The following HTR4 variants were observed in gnomAD, a reference collection of about 807,000 sequenced individuals.
The protein encoded by HTR4 is 5-hydroxytryptamine receptor 4.
In HTR4, 16 loss-of-function variants were observed where a neutral mutation model predicts 36.8. The ratio of observed to expected loss-of-function variants is 0.43; its 90% CI spans 0.29 to 0.66. The LOEUF (loss-of-function observed/expected upper bound fraction) is 0.66. HTR4 is among the 30% of genes least tolerant of loss of function. HTR4 has a pLI of 0.13. For missense variants in HTR4, 438 were observed against 490.9 expected (o/e 0.89, Z 1.02); for synonymous variants, 189 against 185.1 (o/e 1.02, Z -0.17).
At chr5:148,635,809 G>C (rs1220947065) in intron 2 of HTR4, among the ~76,000 whole-genome samples, 1 of 152,082 alleles carries the variant, frequency 6.6e-6, no homozygotes, top group Non-Finnish European at 1.5e-5. Flanking sequence ...TTAAAGACCT[G>C]GCACCAGGTC....
exon 6 of HTR4, chr5:148,451,105 G>A (rs1754963057): frequency 6.3e-7 from 1 of 1,599,666 alleles, no homozygotes; most frequent in Non-Finnish European, 8.5e-7. Context: ...TGGTGATGAG[G>A]TTCAGAAGTG....
At chr5:148,497,741 A>C (rs1370000098) in intron 6 of HTR4, among the ~76,000 whole-genome samples, 1 of 152,254 alleles carries the variant, frequency 6.6e-6, no homozygotes, top group Non-Finnish European at 1.5e-5. Flanking sequence ...CTGGCTCCAA[A>C]TTCACTGAGA....
At chr5:148,598,690 A>T (rs2910098) in intron 2 of HTR4, among the ~76,000 whole-genome samples, 40,252 of 152,120 alleles carry the variant, frequency 0.26, 6,347 homozygotes, top group Non-Finnish European at 0.35. Flanking sequence ...TACTAAATAA[A>T]TATTTATTGA....
Position 148,469,431 on chromosome 5 carries a change from G to T in HTR4, c.1077-18159C>A, listed in dbSNP as rs17720357. 5.6e-3 allele frequency among the ~76,000 whole-genome samples: 845 copies of T among 152,162 alleles called. 33 individuals carry two copies. In the East Asian group the frequency reaches 0.1, roughly 19 times the overall value. Reference sequence around the variant, plus strand: ...TTTGGCCTACACCAAATAATAAAACGGTTCTGATCTGACTACACAAGATCT... The same window carrying T: ...TTTGGCCTACACCAAATAATAAAACTGTTCTGATCTGACTACACAAGATCT... On this transcript the variant is annotated intron_variant, in intron 5 of 5. Transcript: ENST00000521530.
intron 2 of HTR4, among the ~76,000 whole-genome samples, chr5:148,618,131 T>C (rs1286582267): frequency 1.3e-5 from 2 of 152,164 alleles, no homozygotes; most frequent in Admixed American, 1.3e-4. Context: ...TCACTCTGAT[T>C]GTACCCTTCT....
intron 2 of HTR4, among the ~76,000 whole-genome samples, chr5:148,615,271 G>A (rs1182059450): frequency 2.0e-5 from 3 of 152,000 alleles, no homozygotes; most frequent in East Asian, 3.9e-4. Flanking sequence ...CAAAGACTTG[G>A]AACCAACCCA....
intron 5 of HTR4, among the ~76,000 whole-genome samples, chr5:148,519,081 A>G (rs546124549): frequency 1.7e-4 from 26 of 152,172 alleles, no homozygotes; most frequent in Non-Finnish European, 3.8e-4. Flanking sequence ...TTGAATGAAT[A>G]AATAAATAAA....
intron 6 of HTR4, among the ~76,000 whole-genome samples, chr5:148,507,012 T>A (rs1757250618): frequency 6.6e-6 from 1 of 152,196 alleles, no homozygotes; most frequent in African/African-American, 2.4e-5. Flanking sequence ...GACCCAGCCA[T>A]CCTGTTACTG....
intron 2 of HTR4, chr5:148,628,435 G>C (rs1227552754): frequency 2.0e-5 from 3 of 152,182 alleles, no homozygotes; most frequent in Non-Finnish European, 4.4e-5. Flanking sequence ...AAATGTTCAA[G>C]GCATCAAACA....
At chr5:148,560,037 A>G (rs915945261) in intron 2 of HTR4, among the ~76,000 whole-genome samples, 1 of 152,068 alleles carries the variant, frequency 6.6e-6, no homozygotes, top group Non-Finnish European at 1.5e-5. Flanking sequence ...TCTAGATGTT[A>G]CACTTATTTG....
At chr5:148,574,217 T>C (rs891592378) in intron 2 of HTR4, among the ~76,000 whole-genome samples, 15 of 152,198 alleles carry the variant, frequency 9.9e-5, no homozygotes, top group African/African-American at 3.6e-4. Context: ...AATATTTCTT[T>C]ATAAAAACCA....
intron 2 of HTR4, among the ~76,000 whole-genome samples, chr5:148,582,556 G>A (rs1761179686): frequency 6.6e-6 from 1 of 152,066 alleles, no homozygotes; most frequent in African/African-American, 2.4e-5. Flanking sequence ...AGAACATGCA[G>A]TTTTCTGTTC....
chr5:148,611,279 A>G (rs1269863347), intron 2 of HTR4, among the ~76,000 whole-genome samples: 1 of 151,774 alleles, frequency 6.6e-6, no homozygotes, highest in Non-Finnish European at 1.5e-5. Context: ...GCCAGAGAGA[A>G]AGGTCGGGTT....
intron 4 of HTR4, among the ~76,000 whole-genome samples, chr5:148,537,101 A>G (rs181371140): frequency 3.1e-4 from 47 of 152,360 alleles, no homozygotes; most frequent in Admixed American, 2.9e-3. Context: ...AAGTCATGCA[A>G]TTACATGGAA....
intron 5 of HTR4, among the ~76,000 whole-genome samples, chr5:148,461,580 C>T (rs960460739): frequency 6.6e-6 from 1 of 151,938 alleles, no homozygotes; most frequent in Non-Finnish European, 1.5e-5. Flanking sequence ...TAATCCTTAA[C>T]ACTGCATACA....
At chr5:148,641,726 A>G (rs943620900) in intron 1 of HTR4, among the ~76,000 whole-genome samples, 18 of 152,140 alleles carry the variant, frequency 1.2e-4, no homozygotes, top group African/African-American at 4.3e-4. Flanking sequence ...GCCACTCAAC[A>G]CCATTCCAAC....
At chr5:148,537,240 T>A (rs777833600) in intron 4 of HTR4, among the ~76,000 whole-genome samples, 19 of 152,104 alleles carry the variant, frequency 1.2e-4, no homozygotes, top group Non-Finnish European at 2.5e-4. Flanking sequence ...GCAAAGGCAG[T>A]ATTGAGAGGA....
At chr5:148,599,898 T>G (rs993195320) in intron 2 of HTR4, among the ~76,000 whole-genome samples, 7 of 151,952 alleles carry the variant, frequency 4.6e-5, no homozygotes, top group African/African-American at 1.7e-4. Context: ...AACATAAGCA[T>G]ATTTTAATCT....
At chr5:148,496,647 C>A (rs962828696) in intron 6 of HTR4, among the ~76,000 whole-genome samples, 4 of 152,132 alleles carry the variant, frequency 2.6e-5, no homozygotes, top group Non-Finnish European at 4.4e-5. Context: ...TCAGGAAAAC[C>A]TTTCAAGCTC....
Sources: allele counts gnomAD v4.1 joint callset (sites outside exome capture counted in the v4.1 genomes callset), GRCh38; gene constraint gnomAD v4.1.1; transcripts MANE v1.5; gene names NCBI Gene and HGNC (gene_info 2026-07-23, HGNC 2026-07-21).